The following TRERF1 variants were observed in gnomAD, a reference collection of about 807,000 sequenced individuals.
TRERF1 encodes the protein transcriptional-regulating factor 1.
In TRERF1, 27 loss-of-function variants were observed where a neutral mutation model predicts 122.9. The ratio of observed to expected loss-of-function variants is 0.22; its 90% CI spans 0.16 to 0.30. TRERF1 has a LOEUF of 0.30. Ranked by LOEUF, TRERF1 falls within the 10% of genes least tolerant of loss-of-function variation. The pLI, the probability that TRERF1 is intolerant of heterozygous loss-of-function variation, is 1.00. For synonymous variants in TRERF1, 636 were observed against 641.7 expected (o/e 0.99, Z 0.13); for missense variants, 1,248 against 1,560.3 (o/e 0.80, Z 3.37).
chr6:42,360,174 C>T (rs1287763970), intron 3 of TRERF1, among the ~76,000 whole-genome samples: 1 of 152,220 alleles, frequency 6.6e-6, no homozygotes, highest in African/African-American at 2.4e-5. Context: ...GGGCTAAGCG[C>T]TTGACTCAGA....
At position 42,277,903 on chromosome 6, in the gene TRERF1, A is replaced by AAGAGGAAG. The variant is rs527638178; in HGVS notation, c.-258-8056_-258-8055insCTTCCTCT. Among the ~76,000 whole-genome samples the AAGAGGAAG allele has an allele frequency of 4.4e-4, 41 of 93,580 alleles. 2 individuals are homozygous for AAGAGGAAG. Among genetic ancestry groups the AAGAGGAAG allele is most frequent in the South Asian group, 1.6e-3 (5 of 3,044 alleles). The allele number at this position is 93,580 out of a possible 152,430, so 61.4% of individuals were successfully genotyped here. On this transcript the variant is annotated intron_variant, in intron 4 of 17. Coordinates refer to ENST00000372922, the Ensembl canonical transcript of TRERF1. ...GAAGAAGGAAGAAGGAAGAAGGAAG[A>AAGAGGAAG]AGGAAGAAGAAGAAGAAGAAGAAGA...
intron 4 of TRERF1, among the ~76,000 whole-genome samples, chr6:42,289,396 G>C (rs1424036388): frequency 6.6e-6 from 1 of 151,674 alleles, no homozygotes; most frequent in Non-Finnish European, 1.5e-5. Context: ...AAAAAACCTT[G>C]CTCTGGCCAC....
intron 2 of TRERF1, among the ~76,000 whole-genome samples, chr6:42,369,077 T>C (rs1773294974): frequency 6.6e-6 from 1 of 152,128 alleles, no homozygotes; most frequent in Non-Finnish European, 1.5e-5. Flanking sequence ...CTGTTTCCTT[T>C]TATAAGTTTC....
intron 4 of TRERF1, among the ~76,000 whole-genome samples, chr6:42,281,907 T>A (rs1782371774): frequency 6.6e-6 from 1 of 152,212 alleles, no homozygotes. Context: ...TCCATCACCT[T>A]TAACTACCTT....
At chr6:42,352,521 G>A (rs1005977106) in intron 3 of TRERF1, among the ~76,000 whole-genome samples, 10 of 152,132 alleles carry the variant, frequency 6.6e-5, no homozygotes, top group Non-Finnish European at 1.3e-4. Context: ...GTGTTATATG[G>A]TGAAATCTTA....
Position 42,228,465 on chromosome 6 carries a change from GATGTCC to G in TRERF1, c.3477_3482del (p.Asp1160_Ile1161del), listed in dbSNP as rs1769854745. 6.2e-7 allele frequency: 1 copy of G among 1,614,066 alleles called. No individual in the cohort carries two copies. The highest frequency in any genetic ancestry group is 8.5e-7 in the Non-Finnish European group (1 of 1,180,046). On this transcript the variant is annotated inframe_deletion, in exon 18 of 18. Coordinates refer to ENST00000372922, the Ensembl canonical transcript of TRERF1. This position sits in a 1 kb window ranked among gnomAD's most constrained non-coding sequence, Gnocchi z 4.2. ...ACTGCTGGACGACGTCGTCGTCGAG[GATGTCC>G]ACATCCTTGATGGGTTTGATCAGAC... is the stretch of plus-strand genomic sequence containing the variant.
intron 2 of TRERF1, among the ~76,000 whole-genome samples, chr6:42,392,931 T>TACAC (rs58784390): frequency 0.35 from 51,466 of 147,956 alleles, 10,020 homozygotes; most frequent in East Asian, 0.54. Context: ...TACACACACA[T>TACAC]ACACACACAC....
At chr6:42,332,865 G>T (rs1311494179) in intron 3 of TRERF1, among the ~76,000 whole-genome samples, 1 of 152,148 alleles carries the variant, frequency 6.6e-6, no homozygotes, top group Non-Finnish European at 1.5e-5. Flanking sequence ...ACGGAGGAGG[G>T]TCTTCTACAG....
intron 4 of TRERF1, among the ~76,000 whole-genome samples, chr6:42,297,733 C>G (rs926001052): frequency 1.3e-5 from 2 of 152,244 alleles, no homozygotes; most frequent in South Asian, 4.1e-4. Context: ...GTAATGCCCA[C>G]CAGACAACCA....
At chr6:42,234,411 T>C (rs9462784) in intron 16 of TRERF1, among the ~76,000 whole-genome samples, 39,034 of 151,602 alleles carry the variant, frequency 0.26, 6,711 homozygotes, top group African/African-American at 0.49. Flanking sequence ...GATCTCAGTT[T>C]ACCGCAACCT....
chr6:42,262,241 A>G (rs897737923), intron 8 of TRERF1, among the ~76,000 whole-genome samples: 1 of 151,658 alleles, frequency 6.6e-6, no homozygotes, highest in Non-Finnish European at 1.5e-5. Flanking sequence ...TTACACCATA[A>G]AGGTTTTTTT....
chr6:42,430,608 G>T (rs1784353171), intron 2 of TRERF1, among the ~76,000 whole-genome samples: 1 of 150,502 alleles, frequency 6.6e-6, no homozygotes, highest in Admixed American at 6.6e-5. Context: ...AAATTAGCCA[G>T]TCGTTGGCTG....
In TRERF1 at chr6:42,232,418, A is replaced by G. The variant is rs1770748447; in HGVS notation, c.3278+263T>C. Among the ~76,000 whole-genome samples the G allele has an allele frequency of 6.6e-6, 1 of 152,202 alleles. No homozygotes were observed. The highest frequency in any genetic ancestry group is 6.5e-5 in the Admixed American group (1 of 15,280). On this transcript the variant is annotated intron_variant, in intron 17 of 17. Coordinates refer to ENST00000372922, the Ensembl canonical transcript of TRERF1. This position sits in a 1 kb window ranked among gnomAD's most constrained non-coding sequence, Gnocchi z 4.5. Reference sequence around the variant, plus strand: ...AGTGGGAACCAGAGTCCCACCTGCCATTCCTGGGAAAGAGTGAAGTTTTGT... The same window carrying G: ...AGTGGGAACCAGAGTCCCACCTGCCGTTCCTGGGAAAGAGTGAAGTTTTGT...
intron 3 of TRERF1, among the ~76,000 whole-genome samples, chr6:42,314,593 A>G (rs980588230): frequency 1.1e-4 from 16 of 152,356 alleles, no homozygotes; most frequent in African/African-American, 3.8e-4. Flanking sequence ...AACAGAAAAT[A>G]AAAATTATTA....
intron 2 of TRERF1, among the ~76,000 whole-genome samples, chr6:42,382,650 A>C (rs1187890163): frequency 1.3e-5 from 2 of 152,150 alleles, no homozygotes; most frequent in Admixed American, 1.3e-4. Flanking sequence ...GCCATAAAAG[A>C]GTGTCCAAAA....
chr6:42,243,372 A>G lies in TRERF1; in HGVS notation c.2746-11T>C. 6.3e-7 allele frequency: 1 copy of G among 1,599,990 alleles called. No homozygotes were observed. Among genetic ancestry groups the G allele is most frequent in the Non-Finnish European group, 8.6e-7 (1 of 1,167,390 alleles). On this transcript the variant is annotated splice_polypyrimidine_tract_variant and intron_variant, in intron 14 of 17. Coordinates refer to ENST00000372922, the Ensembl canonical transcript of TRERF1. ...CGTCTTGGACTTCACCTGCCGGGAA[A>G]GCGAACTCAAGGTTAGCTCCAGCAA...
chr6:42,277,797 T>C (rs1348581298), intron 4 of TRERF1, among the ~76,000 whole-genome samples: 1 of 151,578 alleles, frequency 6.6e-6, no homozygotes, highest in East Asian at 1.9e-4. Flanking sequence ...GAGTGGTGAT[T>C]ATACCACTGC....
chr6:42,319,574 C>T (rs1354359374), intron 3 of TRERF1, among the ~76,000 whole-genome samples: 5 of 151,518 alleles, frequency 3.3e-5, no homozygotes, highest in African/African-American at 1.2e-4. Flanking sequence ...GTGATCCCAG[C>T]ATTTTGGGGG....
intron 2 of TRERF1, among the ~76,000 whole-genome samples, chr6:42,377,774 C>T (rs1775169549): frequency 6.6e-6 from 1 of 152,166 alleles, no homozygotes; most frequent in Non-Finnish European, 1.5e-5. Flanking sequence ...ATAGAAATAA[C>T]TCAAATTCCT....
Sources: gnomAD v4.1 joint callset for allele counts (sites outside exome capture counted in the v4.1 genomes callset) on GRCh38, gnomAD v4.1.1 for gene constraint, Gnocchi (gnomAD v3.1) non-coding constraint, MANE v1.5 for transcripts, NCBI Gene and HGNC (gene_info 2026-07-23, HGNC 2026-07-21) for gene names.